CSMD1: variants seen among roughly 807,000 people sequenced by gnomAD.
The protein encoded by CSMD1 is CUB and sushi domain-containing protein 1.
CSMD1 carries 213 observed loss-of-function variants against 417.5 expected under a neutral mutation model. That is an observed-to-expected ratio of 0.51 (90% CI 0.46 to 0.57). The LOEUF (loss-of-function observed/expected upper bound fraction) is 0.57, where lower values mean the gene tolerates loss of function less well. Among genes scored for constraint, CSMD1 ranks in the 20% least tolerant of loss-of-function variants. The pLI is 0.00. For synonymous variants in CSMD1, 2,862 were observed against 1,736.8 expected (o/e 1.65, Z -16.11); for missense variants, 6,923 against 4,529.7 (o/e 1.53, Z -15.17).
At chr8:3,725,481 G>C (rs543453645) in intron 6 of CSMD1, among the ~76,000 whole-genome samples, 3 of 152,292 alleles carry the variant, frequency 2.0e-5, no homozygotes, top group South Asian at 4.1e-4. Context: ...TACCGGTGCT[G>C]ATTTTGTGGG....
At chr8:3,310,816 C>A (rs1404381767) in intron 23 of CSMD1, among the ~76,000 whole-genome samples, 1 of 82,024 alleles carries the variant, frequency 1.2e-5, no homozygotes, top group African/African-American at 3.1e-5. Flanking sequence ...AGGAGGTATC[C>A]ACCTTAACAA....
chr8:4,953,857 G>C (rs1393818540), intron 1 of CSMD1, among the ~76,000 whole-genome samples: 5 of 152,074 alleles, frequency 3.3e-5, no homozygotes, highest in Non-Finnish European at 5.9e-5. Context: ...TTCAAATGCA[G>C]GTTGCAGGAC....
intron 3 of CSMD1, among the ~76,000 whole-genome samples, chr8:4,406,864 C>T (rs1234084445): frequency 6.6e-6 from 1 of 152,182 alleles, no homozygotes; most frequent in Non-Finnish European, 1.5e-5. Flanking sequence ...ACTGTAAATA[C>T]AGCTCGTATT....
intron 42 of CSMD1, among the ~76,000 whole-genome samples, chr8:3,112,004 C>T (rs1266843942): frequency 6.6e-6 from 1 of 151,844 alleles, no homozygotes; most frequent in East Asian, 2.0e-4. Flanking sequence ...AACTCAACTC[C>T]TTGTCACCGC....
intron 3 of CSMD1, among the ~76,000 whole-genome samples, chr8:4,214,172 G>C (rs765179707): frequency 2.0e-5 from 3 of 151,966 alleles, no homozygotes; most frequent in Admixed American, 1.3e-4. Flanking sequence ...TTTTAATTTA[G>C]CACATCTTTA....
chr8:4,461,363 G>C (rs572407285), intron 2 of CSMD1, among the ~76,000 whole-genome samples: 1 of 151,528 alleles, frequency 6.6e-6, no homozygotes, highest in East Asian at 1.9e-4. Flanking sequence ...TTTAGCTAGG[G>C]CAGTGATGCA....
intron 27 of CSMD1, among the ~76,000 whole-genome samples, chr8:3,226,056 G>A (rs937641811): frequency 6.6e-6 from 1 of 152,118 alleles, no homozygotes. Flanking sequence ...GGTCTTTAAC[G>A]AGACCCATCT....
At chr8:3,035,078 G>A (rs1254747334) in intron 50 of CSMD1, among the ~76,000 whole-genome samples, 2 of 152,082 alleles carry the variant, frequency 1.3e-5, no homozygotes, top group Admixed American at 1.3e-4. Flanking sequence ...GAGGCAACAC[G>A]AAACAGCCTG....
rs1416891839 is a variant in CSMD1, at chr8:2,974,529, T to C, written c.8662A>G (p.Ser2888Gly). Reference sequence around the variant, plus strand: ...GTGTCGTTGCCTATGAGGCTCTCGCTCCCTCTGCAGGAGTAGTGCACGACG... The same window carrying C: ...GTGTCGTTGCCTATGAGGCTCTCGCCCCCTCTGCAGGAGTAGTGCACGACG... ...GAVVHYSCRG[S>G]ESLIGNDTRV... The change falls in exon 56 of 70, where the codon AGC (serine) becomes GGC (glycine). Residue 2888 changes from serine to glycine, a missense_variant. Physicochemically the swap from Ser to Gly is moderately conservative, Grantham distance 56 (BLOSUM62 0). Coordinates refer to ENST00000635120, the MANE Select transcript of CSMD1 (RefSeq NM_033225.6). The C allele has an allele frequency of 1.2e-6, 2 of 1,613,632 alleles. No homozygotes were observed. Among genetic ancestry groups the C allele is most frequent in the Non-Finnish European group, 1.7e-6 (2 of 1,179,740 alleles).
chr8:3,099,743 T>C (rs996931498), intron 46 of CSMD1, among the ~76,000 whole-genome samples: 2 of 152,184 alleles, frequency 1.3e-5, no homozygotes, highest in Non-Finnish European at 2.9e-5. Context: ...ATTTTAAGCA[T>C]AGCCATTCTT....
intron 3 of CSMD1, among the ~76,000 whole-genome samples, chr8:4,041,054 T>C (rs1797864177): frequency 7.0e-6 from 1 of 143,750 alleles, no homozygotes; most frequent in Non-Finnish European, 1.5e-5. Flanking sequence ...TCTCGCTCTG[T>C]CGCCCAGGCT....
chr8:3,590,689 C>A (rs895063661), intron 8 of CSMD1, among the ~76,000 whole-genome samples: 1 of 152,146 alleles, frequency 6.6e-6, no homozygotes, highest in Non-Finnish European at 1.5e-5. Context: ...TTAACAGGAG[C>A]AACCTCTTCA....
chr8:3,432,953 G>A (rs904217937), intron 12 of CSMD1, among the ~76,000 whole-genome samples: 2 of 152,074 alleles, frequency 1.3e-5, no homozygotes, highest in African/African-American at 4.8e-5. Flanking sequence ...ATCAATAAAT[G>A]GGGGGGTTAC....
At chr8:4,950,032 G>A (rs144376093) in intron 1 of CSMD1, among the ~76,000 whole-genome samples, 48 of 152,204 alleles carry the variant, frequency 3.2e-4, no homozygotes, top group African/African-American at 1.2e-3. Flanking sequence ...ACACCTTGAT[G>A]AATAATGGCA....
rs1563561182 is a variant in CSMD1, at chr8:4,841,926, A to AAAAAAACAAAAAAC, written c.85+152405_85+152406insGTTTTTTGTTTTTT. ...AACTCCGTCTCAAAAAAAAAAAAAAAAAAAAAAAAAAAGTTCAGAACAATG... is the reference window on the plus strand; with the variant it reads ...AACTCCGTCTCAAAAAAAAAAAAAAAAAAAAACAAAAAACAAAAAAAAAAAAGTTCAGAACAATG... On this transcript the variant is annotated intron_variant, in intron 1 of 69. Coordinates refer to ENST00000635120, the MANE Select transcript of CSMD1 (RefSeq NM_033225.6). Among the ~76,000 whole-genome samples, 857 of 142,146 alleles carry AAAAAAACAAAAAAC rather than the reference A, an allele frequency of 6.0e-3. 45 individuals carry two copies. Among genetic ancestry groups the AAAAAAACAAAAAAC allele is most frequent in the African/African-American group, 0.021 (783 of 37,408 alleles). The allele number at this position is 142,146 out of a possible 152,430, so 93.3% of individuals were successfully genotyped here.
Position 4,842,496 on chromosome 8 carries a change from G to A in CSMD1, c.85+151836C>T, listed in dbSNP as rs73183438. Among the ~76,000 whole-genome samples the A allele has an allele frequency of 8.2e-3, 1,242 of 152,240 alleles. 5 individuals are homozygous for A. Among genetic ancestry groups the A allele is most frequent in the Non-Finnish European group, 0.013 (891 of 68,014 alleles). ...TGTCAGATGCAATGGATAGTTTCAGGAAATGACTTACTAAAAAATGTAGCA... is the reference window on the plus strand; with the variant it reads ...TGTCAGATGCAATGGATAGTTTCAGAAAATGACTTACTAAAAAATGTAGCA... On this transcript the variant is annotated intron_variant, in intron 1 of 69. Coordinates refer to ENST00000635120, the MANE Select transcript of CSMD1 (RefSeq NM_033225.6).
At chr8:4,066,861 G>A (rs1056750215) in intron 3 of CSMD1, among the ~76,000 whole-genome samples, 3 of 152,200 alleles carry the variant, frequency 2.0e-5, no homozygotes, top group Admixed American at 6.5e-5. Context: ...CTTGATCACT[G>A]CTGATTTAAC....
intron 1 of CSMD1, among the ~76,000 whole-genome samples, chr8:4,917,110 A>G (rs1210427308): frequency 6.6e-6 from 1 of 152,124 alleles, no homozygotes; most frequent in Non-Finnish European, 1.5e-5. Context: ...GCCTCAGTAA[A>G]CTTACAGTCA....
At chr8:4,150,662 G>C (rs182303278) in intron 3 of CSMD1, among the ~76,000 whole-genome samples, 3 of 152,144 alleles carry the variant, frequency 2.0e-5, no homozygotes, top group African/African-American at 7.2e-5. Flanking sequence ...AATGGTTAGG[G>C]TGCAGATAAG....
Sources: allele counts gnomAD v4.1 joint callset (sites outside exome capture counted in the v4.1 genomes callset), GRCh38; gene constraint gnomAD v4.1.1; transcripts MANE v1.5; gene names NCBI Gene and HGNC (gene_info 2026-07-23, HGNC 2026-07-21).